CC2D2A: variants seen among roughly 807,000 people sequenced by gnomAD.
CC2D2A encodes the protein coiled-coil and C2 domain containing 2A.
CC2D2A carries 155 observed loss-of-function variants against 212.9 expected under a neutral mutation model. The ratio of observed to expected loss-of-function variants is 0.73; its 90% CI spans 0.64 to 0.83. CC2D2A has a LOEUF of 0.83. Among genes scored for constraint, CC2D2A ranks in the 40% least tolerant of loss-of-function variants. The pLI is 0.00. For missense variants in CC2D2A, 1,856 were observed against 1,956.2 expected (o/e 0.95, Z 0.97); for synonymous variants, 667 against 686.5 (o/e 0.97, Z 0.44).
intron 1 of CC2D2A, among the ~76,000 whole-genome samples, chr4:15,474,533 T>TATA: frequency 6.6e-6 from 1 of 151,588 alleles, no homozygotes; most frequent in African/African-American, 2.4e-5. Context: ...GATAACACAA[T>TATA]GAAAGGACTA....
chr4:15,470,681 CTCTCTCTCTATATATATATATATA>C lies in CC2D2A; in HGVS notation c.-19+626_-19+649del, dbSNP rs1474683554. On this transcript the variant is annotated intron_variant, in intron 1 of 36. Coordinates refer to ENST00000424120, the MANE Select transcript of CC2D2A (RefSeq NM_001378615.1). ...TCTCTCTCTCTCTCTCTCTCTCTCT[CTCTCTCTCTATATATATATATATA>C]TATATATATATATATATATATATAT... Among the ~76,000 whole-genome samples the C allele has an allele frequency of 8.7e-3, 499 of 57,170 alleles. 1 individual carries two copies. The highest frequency in any genetic ancestry group is 0.026 in the Middle Eastern group (3 of 114). 37.5% of individuals were successfully genotyped at this position (57,170 alleles called of 152,430 possible). A position where few individuals can be genotyped will look rare whatever the true frequency, so the allele number is the denominator to read the frequency against.
At chr4:15,594,210 T>C (rs1721224096) in intron 33 of CC2D2A, among the ~76,000 whole-genome samples, 1 of 152,186 alleles carries the variant, frequency 6.6e-6, no homozygotes, top group Non-Finnish European at 1.5e-5. Context: ...CATAGATTTC[T>C]CCCTCACTTC....
rs115276719 is a variant in CC2D2A at position 15,541,668 on chromosome 4, A to G, written c.2181+654A>G. Among the ~76,000 whole-genome samples the G allele has an allele frequency of 2.7e-3, 418 of 152,274 alleles. 4 individuals carry two copies. Among genetic ancestry groups the G allele is most frequent in the African/African-American group, 9.6e-3 (400 of 41,550 alleles). On this transcript the variant is annotated intron_variant, in intron 17 of 36. Transcript: ENST00000424120. ...CCCTCTACAAGGACTCTAGTGTAATATAACAGAGAAATCAATTATGCCGCA... is the reference window on the plus strand; with the variant it reads ...CCCTCTACAAGGACTCTAGTGTAATGTAACAGAGAAATCAATTATGCCGCA...
intron 3 of CC2D2A, chr4:15,479,125 A>G: frequency 1.2e-6 from 1 of 861,506 alleles, no homozygotes; most frequent in Admixed American, 2.0e-5. Flanking sequence ...ATTGAAGGCC[A>G]TGGACTATGA....
At chr4:15,564,740 C>T (rs144203590) in intron 24 of CC2D2A, among the ~76,000 whole-genome samples, 1 of 152,226 alleles carries the variant, frequency 6.6e-6, no homozygotes, top group South Asian at 2.1e-4. Flanking sequence ...TACAGTGGTG[C>T]TATCACAGCT....
chr4:15,549,704 G>T (rs1397442746), intron 17 of CC2D2A, among the ~76,000 whole-genome samples: 1 of 152,186 alleles, frequency 6.6e-6, no homozygotes, highest in African/African-American at 2.4e-5. Context: ...TTGCGGGGCT[G>T]GGGCAGGAGA....
intron 29 of CC2D2A, 44 bp from the exon 30 acceptor site, chr4:15,579,924 T>G (rs1383814873): frequency 3.3e-6 from 5 of 1,495,778 alleles, no homozygotes; most frequent in Non-Finnish European, 4.6e-6. Flanking sequence ...GTACTTTCTC[T>G]CTTGTAATCA....
At chr4:15,493,568 T>A (rs1273156588) in intron 4 of CC2D2A, among the ~76,000 whole-genome samples, 1 of 152,162 alleles carries the variant, frequency 6.6e-6, no homozygotes, top group African/African-American at 2.4e-5. Context: ...TCACTGCATC[T>A]GGCCTAGTCT....
chr4:15,567,549 C>CA, intron 25 of CC2D2A, 67 bp downstream of exon 25: 1 of 1,402,454 alleles, frequency 7.1e-7, no homozygotes, highest in Non-Finnish European at 9.9e-7. Flanking sequence ...CTGTAAACTT[C>CA]ATGGATAGTC....
At chr4:15,503,496 G>A (rs981032168) in intron 6 of CC2D2A, among the ~76,000 whole-genome samples, 2 of 152,176 alleles carry the variant, frequency 1.3e-5, no homozygotes, top group African/African-American at 4.8e-5. Context: ...GAGCATACAT[G>A]TGGAAGAGTT....
intron 13 of CC2D2A, among the ~76,000 whole-genome samples, chr4:15,532,303 A>G (rs1717887006): frequency 1.3e-5 from 2 of 152,212 alleles, no homozygotes; most frequent in Non-Finnish European, 2.9e-5. Context: ...TTGATCTACT[A>G]GAAACCTAGA....
chr4:15,481,319 A>T lies in CC2D2A; in HGVS notation c.247+492A>T, dbSNP rs1384593799. On this transcript the variant is annotated intron_variant, in intron 4 of 36. Transcript: ENST00000424120. The stretch of plus-strand genomic sequence containing the variant: ...AGGTTGGGAGTTCAAGACCAGCCTG[A>T]CCAACATGGAGAAACCCCATCTCTA... The T allele has an allele frequency of 7.1e-6, 3 of 421,276 alleles. No homozygotes were observed. The Admixed American group carries it at 8.0e-5, about 11-fold the overall frequency. The allele number at this position is 421,276 out of a possible 1,614,324, so 26.1% of individuals were successfully genotyped here.
At position 15,599,584 on chromosome 4, in the gene CC2D2A, C is replaced by T. The variant is rs767260373; in HGVS notation, c.4552C>T (p.Arg1518Trp). Reference sequence around the variant, plus strand: ...GGACTGGAGGCCACGCCATCTGACTCGGTGGAATAGGTATTGTACCTCTAC... The same window carrying T: ...GGACTGGAGGCCACGCCATCTGACTTGGTGGAATAGGTATTGTACCTCTAC... ...IMDWRPRHLT[R>W]WNRYCTSTLR... Residue 1518 changes from arginine to tryptophan, a missense_variant, in exon 36 of 37, where the codon CGG becomes TGG. By Grantham distance (101) the Arg-to-Trp change is moderately radical (BLOSUM62 -3). Transcript: ENST00000424120. 8.1e-6 allele frequency: 13 copies of T among 1,606,932 alleles called. No individual in the cohort carries two copies. The highest frequency in any genetic ancestry group is 1.7e-4 in the Middle Eastern group (1 of 6,040).
rs1718842857 is a variant in CC2D2A at position 15,548,787 on chromosome 4, TC to T, written c.2182-2035del. Reference sequence around the variant, plus strand: ...TGTTGGGTCAAGCAACAAATGGCACTCCTTGTCCCATCAGAGTTGTGAACCA... The same window carrying T: ...TGTTGGGTCAAGCAACAAATGGCACTCTTGTCCCATCAGAGTTGTGAACCA... On this transcript the variant is annotated intron_variant, in intron 17 of 36. Transcript: ENST00000424120. Among the ~76,000 whole-genome samples, 6 of 152,272 alleles carry T rather than the reference TC, an allele frequency of 3.9e-5. No individual in the cohort carries two copies. The South Asian group carries it at 1.0e-3, about 26-fold the overall frequency.
At chr4:15,531,295 C>G (rs1434061804) in intron 13 of CC2D2A, among the ~76,000 whole-genome samples, 1 of 152,106 alleles carries the variant, frequency 6.6e-6, no homozygotes, top group Non-Finnish European at 1.5e-5. Flanking sequence ...AGACACCATC[C>G]CCACGCATTG....
intron 11 of CC2D2A, among the ~76,000 whole-genome samples, chr4:15,526,717 T>C (rs969487736): frequency 2.6e-5 from 4 of 152,206 alleles, no homozygotes; most frequent in African/African-American, 9.6e-5. Flanking sequence ...AAATCAAAGA[T>C]GTCTCCTCTC....
At chr4:15,583,696 T>C (rs1343464825) in intron 30 of CC2D2A, among the ~76,000 whole-genome samples, 1 of 152,164 alleles carries the variant, frequency 6.6e-6, no homozygotes, top group Non-Finnish European at 1.5e-5. Flanking sequence ...ACGCCTGTAA[T>C]CCCAGCACTT....
intron 29 of CC2D2A, among the ~76,000 whole-genome samples, chr4:15,578,808 G>T (rs34206730): frequency 0.022 from 1,969 of 90,450 alleles, 48 homozygotes; most frequent in African/African-American, 0.068. Context: ...TTGTTTGTTT[G>T]TTTGTTTGTT....
In CC2D2A at chr4:15,557,352, C is replaced by A. The variant is rs1191889173; in HGVS notation, c.2674C>A (p.Gln892Lys). The change falls in exon 21 of 37, where the codon CAG (glutamine) becomes AAG (lysine). Residue 892 changes from glutamine to lysine, a missense_variant. Around this residue, in one of 5 missense-constraint regions of CC2D2A, gnomAD observed 1,512 missense variants for 1,579.3 expected, o/e 0.96. Coordinates refer to ENST00000424120, the MANE Select transcript of CC2D2A (RefSeq NM_001378615.1). ...TGTCCCTGATTTCTTTAGACTGGAG[C>A]AGCTGCAACAGGAGTTTAACTTTGT... ...SYVPDFFRLE[Q>K]LQQEFNFVSD... The A allele has an allele frequency of 6.2e-7, 1 of 1,613,462 alleles. No homozygotes were observed. Among genetic ancestry groups the A allele is most frequent in the Non-Finnish European group, 8.5e-7 (1 of 1,179,682 alleles).
Sources: allele counts gnomAD v4.1 joint callset (sites outside exome capture counted in the v4.1 genomes callset), GRCh38; gene constraint gnomAD v4.1.1; regional missense constraint gnomAD v4.1.1; transcripts MANE v1.5; gene names NCBI Gene and HGNC (gene_info 2026-07-23, HGNC 2026-07-21).